The following DHRS12 variants were observed in gnomAD, a reference collection of about 807,000 sequenced individuals.
DHRS12 encodes the protein dehydrogenase/reductase 12.
A neutral mutation model predicts 32.1 loss-of-function variants in DHRS12; 29 were observed. The ratio of observed to expected loss-of-function variants is 0.90; its 90% CI spans 0.67 to 1.23. DHRS12 has a LOEUF of 1.23. Among genes scored for constraint, DHRS12 ranks in the 50% most tolerant of loss-of-function variants. The pLI is 0.00. For missense variants in DHRS12, 330 were observed against 337.2 expected (o/e 0.98, Z 0.17); for synonymous variants, 150 against 135.9 (o/e 1.10, Z -0.72).
chr13:51,772,649 T>C, intron 6 of DHRS12: 1 of 985,452 alleles, frequency 1.0e-6, no homozygotes, highest in Non-Finnish European at 1.2e-6. Flanking sequence ...ACACAGAGAA[T>C]ACATCAGTTA....
At chr13:51,787,866 T>TAA (rs1566296554) in intron 4 of DHRS12, among the ~76,000 whole-genome samples, 1 of 120,484 alleles carries the variant, frequency 8.3e-6, no homozygotes, top group African/African-American at 3.2e-5. Flanking sequence ...ATATAATATA[T>TAA]AAATATATAA....
rs1294295781 is a variant in DHRS12, at chr13:51,768,206, A to G, written c.788T>C (p.Leu263Pro). The part of the protein sequence containing the change: ...EEKLIEILEQ[L>P]AQTFK ...GTTGGCCTATTTAAATGTCTGAGCC[A>G]GCTGTTCCAGGATTTCAATGAGTTT... Residue 263 changes from leucine (L) to proline (P), a missense_variant, in exon 9 of 9, where the codon CTG (leucine) becomes CCG (proline). Coordinates refer to ENST00000444610, the MANE Select transcript of DHRS12 (RefSeq NM_001377533.1). 2 of 1,536,036 alleles carry G rather than the reference A, an allele frequency of 1.3e-6. No homozygotes were observed. The highest frequency in any genetic ancestry group is 1.7e-6 in the Non-Finnish European group (2 of 1,146,930).
rs1425027524 is a variant in DHRS12, at chr13:51,804,152, G to A, written c.-107C>T. Reference sequence around the variant, plus strand: ...CCTAGCCCCACCGCGCTCCCGGCGCGGCCTCCGCCCTGGTCCCGCCCCCCG... The same window carrying A: ...CCTAGCCCCACCGCGCTCCCGGCGCAGCCTCCGCCCTGGTCCCGCCCCCCG... On this transcript the variant is annotated 5_prime_UTR_variant, in exon 1 of 9. Transcript: ENST00000444610. The A allele has an allele frequency of 1.4e-6, 2 of 1,439,596 alleles. No individual in the cohort carries two copies. The highest frequency in any genetic ancestry group is 1.8e-6 in the Non-Finnish European group (2 of 1,099,388). 89.2% of individuals were successfully genotyped at this position (1,439,596 alleles called of 1,614,324 possible).
chr13:51,755,823 T>G, the DHRS12 span, among the ~76,000 whole-genome samples: 2 of 152,220 alleles, frequency 1.3e-5, no homozygotes, highest in Non-Finnish European at 2.9e-5. Context: ...CTGATTAATT[T>G]TAGTTATTTA....
At chr13:51,779,722 G>C (rs752971126) in intron 4 of DHRS12, among the ~76,000 whole-genome samples, 10 of 152,206 alleles carry the variant, frequency 6.6e-5, no homozygotes, top group Non-Finnish European at 1.2e-4. Context: ...CTGCCATTGA[G>C]TTCTGTGAGG....
At chr13:51,758,515 C>T in the DHRS12 span, among the ~76,000 whole-genome samples, 1 of 148,812 alleles carries the variant, frequency 6.7e-6, no homozygotes, top group African/African-American at 2.5e-5. Context: ...CACATCACTG[C>T]ACTCTAGCCT....
rs187588542 is a variant in DHRS12 at position 51,778,047 on chromosome 13, C to T, written c.302-926G>A. On this transcript the variant is annotated intron_variant, in intron 4 of 8. Transcript: ENST00000444610. The stretch of plus-strand genomic sequence containing the variant: ...TCTCACCACAGCTTCCTGCACCGCC[C>T]GCCATGTGGCCTGCATCCAGCTCGC... 1.8e-3 allele frequency among the ~76,000 whole-genome samples: 275 copies of T among 152,352 alleles called. 2 individuals are homozygous for T. The highest frequency in any genetic ancestry group is 6.3e-3 in the African/African-American group (262 of 41,590).
intron 5 of DHRS12, among the ~76,000 whole-genome samples, chr13:51,776,754 C>A (rs904995487): frequency 2.0e-5 from 3 of 152,188 alleles, no homozygotes; most frequent in Non-Finnish European, 2.9e-5. Context: ...AGCAGCACCA[C>A]CCTGACCTGA....
intron 6 of DHRS12, among the ~76,000 whole-genome samples, chr13:51,773,707 C>T (rs528302292): frequency 1.4e-4 from 21 of 152,178 alleles, no homozygotes; most frequent in African/African-American, 3.9e-4. Context: ...CGAGAGGAGA[C>T]GCAGTGGCTT....
rs530886637 is a variant in DHRS12, at chr13:51,789,667, G to A, written c.301+344C>T. 10 of 985,404 alleles carry A rather than the reference G, an allele frequency of 1.0e-5. No individual in the cohort carries two copies. The African/African-American group carries it at 1.7e-4, about 17-fold the overall frequency. 61.0% of individuals were successfully genotyped at this position (985,404 alleles called of 1,614,324 possible). On this transcript the variant is annotated intron_variant, in intron 4 of 8. Transcript: ENST00000444610. Reference sequence around the variant, plus strand: ...TTGCCCACTGGTTGCACCTTCCTCAGCCCTGGCTGGAAGTTCCTTTGGTTG... The same window carrying A: ...TTGCCCACTGGTTGCACCTTCCTCAACCCTGGCTGGAAGTTCCTTTGGTTG...
At chr13:51,794,845 G>C (rs77404876) in intron 2 of DHRS12, among the ~76,000 whole-genome samples, 1 of 151,404 alleles carries the variant, frequency 6.6e-6, no homozygotes, top group African/African-American at 2.4e-5. Context: ...CGAAAGTCTG[G>C]AGCCAGGTAC....
At chr13:51,783,403 C>T (rs1021617041) in intron 4 of DHRS12, among the ~76,000 whole-genome samples, 1 of 152,154 alleles carries the variant, frequency 6.6e-6, no homozygotes, top group East Asian at 1.9e-4. Flanking sequence ...TAGGATGAAA[C>T]AGACTCACTA....
intron 4 of DHRS12, among the ~76,000 whole-genome samples, chr13:51,786,041 G>C (rs944224582): frequency 1.3e-5 from 2 of 152,234 alleles, no homozygotes; most frequent in African/African-American, 4.8e-5. Context: ...TGGGGTCCCT[G>C]TGTCGAACAG....
rs745929339 is a variant in DHRS12 at position 51,789,990 on chromosome 13, A to G, written c.301+21T>C. ...TATGTTTATTTTGCTAAAAACAAAT[A>G]AGAAAACTTCTTGTACTTACCCAGA... On this transcript the variant is annotated intron_variant, in intron 4 of 8. Transcript: ENST00000444610. The G allele has an allele frequency of 5.7e-6, 9 of 1,570,756 alleles. No homozygotes were observed. The East Asian group carries it at 1.6e-4, about 28-fold the overall frequency.
the DHRS12 span, among the ~76,000 whole-genome samples, chr13:51,755,712 T>C: frequency 6.6e-6 from 1 of 152,200 alleles, no homozygotes; most frequent in African/African-American, 2.4e-5. Flanking sequence ...TCTATTGCAG[T>C]GCACCTTACA....
intron 1 of DHRS12, among the ~76,000 whole-genome samples, chr13:51,800,833 G>A (rs1488856320): frequency 6.6e-6 from 1 of 152,218 alleles, no homozygotes; most frequent in East Asian, 1.9e-4. Context: ...AAATGTTCCT[G>A]TTTTCACCAT....
chr13:51,801,617 A>AT lies in DHRS12; in HGVS notation c.-8-1951dup, dbSNP rs371817641. 5.3e-5 allele frequency among the ~76,000 whole-genome samples: 8 copies of AT among 152,236 alleles called. No individual in the cohort carries two copies. The East Asian group carries it at 1.4e-3, about 26-fold the overall frequency. On this transcript the variant is annotated intron_variant, in intron 1 of 8. Coordinates refer to ENST00000444610, the MANE Select transcript of DHRS12 (RefSeq NM_001377533.1). ...TAAACTACAAAGAGGAAACTGGAAGATTTTTTTCCCCCTAAACACAGACGT... is the reference window on the plus strand; with the variant it reads ...TAAACTACAAAGAGGAAACTGGAAGATTTTTTTTCCCCCTAAACACAGACGT...
chr13:51,773,615 T>C (rs1167850340), intron 6 of DHRS12, among the ~76,000 whole-genome samples: 1 of 151,910 alleles, frequency 6.6e-6, no homozygotes, highest in African/African-American at 2.4e-5. Context: ...GAGGGACCGC[T>C]CGCCGTCCTC....
the DHRS12 span, among the ~76,000 whole-genome samples, chr13:51,755,790 T>C: frequency 6.6e-6 from 1 of 152,204 alleles, no homozygotes; most frequent in Non-Finnish European, 1.5e-5. Context: ...TGTTTCTCTC[T>C]CCTTATTTTA....
Sources: allele counts gnomAD v4.1 joint callset (sites outside exome capture counted in the v4.1 genomes callset), GRCh38; gene constraint gnomAD v4.1.1; transcripts MANE v1.5; gene names NCBI Gene and HGNC (gene_info 2026-07-23, HGNC 2026-07-21).